The following GRK4 variants were observed in gnomAD, a reference collection of about 807,000 sequenced individuals.
GRK4 encodes G protein-coupled receptor kinase 4, also known as G protein-coupled receptor kinase 2-like.
A neutral mutation model predicts 77.9 loss-of-function variants in GRK4; 73 were observed. That is an observed-to-expected ratio of 0.94 (90% CI 0.78 to 1.14). The LOEUF (loss-of-function observed/expected upper bound fraction) is 1.14. Ranked by LOEUF, GRK4 falls within the 50% of genes most tolerant of loss-of-function variation. The pLI is 0.00. For synonymous variants in GRK4, 257 were observed against 254.4 expected (o/e 1.01, Z -0.10); for missense variants, 729 against 700.2 (o/e 1.04, Z -0.46).
intron 8 of GRK4, among the ~76,000 whole-genome samples, chr4:3,015,492 A>G (rs1359523421): frequency 1.3e-5 from 2 of 151,828 alleles, no homozygotes; most frequent in Non-Finnish European, 2.9e-5. Flanking sequence ...TGGCTAACAC[A>G]GTGAAACCCC....
chr4:3,037,655 G>A (rs541455603), intron 14 of GRK4, 144 bp downstream of exon 14: 10 of 945,666 alleles, frequency 1.1e-5, no homozygotes, highest in Middle Eastern at 4.0e-4. Flanking sequence ...AGTGGCTCAC[G>A]CCTGTAATCC....
At position 3,040,565 on chromosome 4, in the gene GRK4, G is replaced by A; in HGVS notation, c.1684-7G>A. On this transcript the variant is annotated splice_polypyrimidine_tract_variant and splice_region_variant and intron_variant, in intron 15 of 15. Coordinates refer to ENST00000398052, the MANE Select transcript of GRK4 (RefSeq NM_182982.3). ...CGTGTGCCTGAGGCCGCCGCTGTGTGTTGTAGGGCTGCCTGACCATGGTCC... is the reference window on the plus strand; with the variant it reads ...CGTGTGCCTGAGGCCGCCGCTGTGTATTGTAGGGCTGCCTGACCATGGTCC... The A allele has an allele frequency of 6.2e-7, 1 of 1,607,924 alleles. No homozygotes were observed. Among genetic ancestry groups the A allele is most frequent in the East Asian group, 2.2e-5 (1 of 44,744 alleles).
intron 2 of GRK4, among the ~76,000 whole-genome samples, chr4:2,986,379 A>G (rs1724376488): frequency 9.1e-6 from 1 of 109,726 alleles, no homozygotes; most frequent in Non-Finnish European, 1.7e-5. Flanking sequence ...TTTTTTTGAG[A>G]CAGAGTCTCG....
rs199726567 is a variant in GRK4, at chr4:3,035,457, C to T, written c.1341C>T (p.Pro447=). The change falls in exon 13 of 16, where the codon CCC becomes CCT. Residue 447 remains proline (P), a synonymous_variant. Transcript: ENST00000398052. ...GEGAAGVKQH[P]VFKDINFRRL... Reference sequence around the variant, plus strand: ...GAGCGGCTGGGGTGAAGCAGCACCCCGTGTTCAAGGACATCAACTTCAGGA... The same window carrying T: ...GAGCGGCTGGGGTGAAGCAGCACCCTGTGTTCAAGGACATCAACTTCAGGA... 7.4e-6 allele frequency: 12 copies of T among 1,613,912 alleles called. No homozygotes were observed. Among genetic ancestry groups the T allele is most frequent in the East Asian group, 2.2e-5 (1 of 44,866 alleles).
At chr4:3,000,711 C>T (rs1329723985) in intron 4 of GRK4, among the ~76,000 whole-genome samples, 9 of 151,878 alleles carry the variant, frequency 5.9e-5, no homozygotes, top group Non-Finnish European at 8.8e-5. Flanking sequence ...ACTACAGGCA[C>T]GTGCCATTAT....
intron 4 of GRK4, among the ~76,000 whole-genome samples, chr4:2,996,002 A>AG (rs1416863514): frequency 1.3e-5 from 2 of 152,172 alleles, no homozygotes; most frequent in Admixed American, 6.5e-5. Context: ...ATTTAGCTCA[A>AG]GGGGGAGTGA....
rs1303662415 is a variant in GRK4 at position 2,986,273 on chromosome 4, A to G, written c.148+1665A>G. Among the ~76,000 whole-genome samples the G allele has an allele frequency of 3.9e-5, 5 of 129,486 alleles. No individual in the cohort carries two copies. The East Asian group carries it at 9.8e-4, about 25-fold the overall frequency. The allele number at this position is 129,486 out of a possible 152,430, so 84.9% of individuals were successfully genotyped here. ...TTTTCTCGATTATGGATGGGGTAGA[A>G]CATTTCCTTTTTTTTTTTCAATGTT... On this transcript the variant is annotated intron_variant, in intron 2 of 15. Transcript: ENST00000398052.
chr4:3,001,089 A>ATATGTGTGTGTGTG, intron 4 of GRK4, among the ~76,000 whole-genome samples: 1 of 82,428 alleles, frequency 1.2e-5, no homozygotes, highest in Admixed American at 1.1e-4. Flanking sequence ...ATATATATAT[A>ATATGTGTGTGTGTG]TGTGTGTGTG....
rs1200235204 is a variant in GRK4, at chr4:3,031,119, C to T, written c.1269+1710C>T. Reference sequence around the variant, plus strand: ...GATGGGCTGGAGGGAAGGGGGCACTCGCTGGAGCCAAGTCCTTGCAGTGGG... The same window carrying T: ...GATGGGCTGGAGGGAAGGGGGCACTTGCTGGAGCCAAGTCCTTGCAGTGGG... On this transcript the variant is annotated intron_variant, in intron 12 of 15. Coordinates refer to ENST00000398052, the MANE Select transcript of GRK4 (RefSeq NM_182982.3). Among the ~76,000 whole-genome samples the T allele has an allele frequency of 3.3e-5, 5 of 152,038 alleles. 1 individual carries two copies. Among genetic ancestry groups the T allele is most frequent in the East Asian group, 1.9e-4 (1 of 5,174 alleles).
intron 1 of GRK4, among the ~76,000 whole-genome samples, chr4:2,977,119 G>A (rs2109473473): frequency 6.6e-6 from 1 of 152,290 alleles, no homozygotes; most frequent in South Asian, 2.1e-4. Context: ...TCCAGGAACA[G>A]GCGGCCTTTC....
intron 7 of GRK4, among the ~76,000 whole-genome samples, chr4:3,010,218 T>TGTTTC (rs1462003028): frequency 6.7e-6 from 1 of 148,432 alleles, no homozygotes; most frequent in Non-Finnish European, 1.5e-5. Flanking sequence ...GTGTTTTTTT[T>TGTTTC]GTTTTGTTTT....
intron 2 of GRK4, chr4:2,985,940 C>CCA (rs1724196035): frequency 6.7e-6 from 1 of 148,714 alleles, no homozygotes; most frequent in African/African-American, 2.5e-5. Flanking sequence ...CTTGGAGATC[C>CCA]CACCACTGCA....
At chr4:2,976,801 G>A (rs900341456) in intron 1 of GRK4, among the ~76,000 whole-genome samples, 2 of 152,056 alleles carry the variant, frequency 1.3e-5, no homozygotes, top group East Asian at 1.9e-4. Context: ...CACCACGTCC[G>A]GCTAATTTTG....
At chr4:2,974,448 A>G (rs754859106) in intron 1 of GRK4, among the ~76,000 whole-genome samples, 11 of 152,192 alleles carry the variant, frequency 7.2e-5, no homozygotes, top group Non-Finnish European at 1.2e-4. Context: ...TGCCCTCTTT[A>G]TACTATCTCA....
rs1024190138 is a variant in GRK4 at position 3,013,036 on chromosome 4, T to G, written c.601-652T>G. 2.0e-5 allele frequency among the ~76,000 whole-genome samples: 3 copies of G among 150,674 alleles called. No homozygotes were observed. In the East Asian group the frequency reaches 6.2e-4, roughly 31 times the overall value. Reference sequence around the variant, plus strand: ...GGCGGGCACCTGTAATCCCAGCTACTTGGGAGGCTGAGGCAGGAGAATCTT... The same window carrying G: ...GGCGGGCACCTGTAATCCCAGCTACGTGGGAGGCTGAGGCAGGAGAATCTT... On this transcript the variant is annotated intron_variant, in intron 7 of 15. Coordinates refer to ENST00000398052, the MANE Select transcript of GRK4 (RefSeq NM_182982.3).
chr4:2,980,132 G>A (rs1722452677), intron 1 of GRK4, among the ~76,000 whole-genome samples: 1 of 152,146 alleles, frequency 6.6e-6, no homozygotes, highest in South Asian at 2.1e-4. Context: ...CCCTCCACAG[G>A]GTACCCAGAG....
intron 1 of GRK4, among the ~76,000 whole-genome samples, chr4:2,975,584 C>G (rs1437766846): frequency 6.6e-6 from 1 of 152,100 alleles, no homozygotes; most frequent in South Asian, 2.1e-4. Context: ...TTCACTGTGT[C>G]CCATGGCTCC....
intron 8 of GRK4, among the ~76,000 whole-genome samples, chr4:3,018,790 A>C (rs984503025): frequency 1.3e-5 from 2 of 152,110 alleles, no homozygotes; most frequent in Admixed American, 6.6e-5. Context: ...AGGCAGGAGA[A>C]TCGCTTGAAA....
Position 3,009,664 on chromosome 4 carries a change from A to G in GRK4, c.553A>G (p.Asn185Asp), listed in dbSNP as rs751417311. The change falls in exon 7 of 16, where the codon AAC (asparagine) becomes GAC (aspartate). Residue 185 changes from asparagine to aspartate, a missense_variant. Asn to Asp is a conservative substitution (Grantham distance 23). Coordinates refer to ENST00000398052, the MANE Select transcript of GRK4 (RefSeq NM_182982.3). ...ATTGATTAGGCAACCCGTAACAAAG[A>G]ACACATTTAGACATTACAGAGTTCT... is the stretch of plus-strand genomic sequence containing the variant. ...KWLERQPVTK[N>D]TFRHYRVLGK... 1.2e-6 allele frequency: 2 copies of G among 1,613,876 alleles called. No homozygotes were observed. Among genetic ancestry groups the G allele is most frequent in the South Asian group, 2.2e-5 (2 of 91,060 alleles).
Sources: gnomAD v4.1 joint callset for allele counts (sites outside exome capture counted in the v4.1 genomes callset) on GRCh38, gnomAD v4.1.1 for gene constraint, MANE v1.5 for transcripts, NCBI Gene and HGNC (gene_info 2026-07-23, HGNC 2026-07-21) for gene names.